The following CABLES1 variants were observed in gnomAD, a reference collection of about 807,000 sequenced individuals.
CABLES1 encodes CDK5 and ABL1 enzyme substrate 1.
A neutral mutation model predicts 57.8 loss-of-function variants in CABLES1; 36 were observed. The observed-to-expected ratio is 0.62, with a 90% CI of 0.48 to 0.82. CABLES1 has a LOEUF of 0.82. Ranked by LOEUF, CABLES1 falls within the 40% of genes least tolerant of loss-of-function variation. CABLES1 has a pLI of 0.00. For synonymous variants in CABLES1, 374 were observed against 363.0 expected, an observed-to-expected ratio of 1.03 and a Z score of -0.35; for missense variants, 767 against 836.6, an observed-to-expected ratio of 0.92 and a Z score of 1.03.
intron 1 of CABLES1, chr18:23,155,971 G>A (rs749307141): frequency 6.2e-6 from 10 of 1,613,928 alleles, no homozygotes; most frequent in African/African-American, 1.3e-5. Context: ...TCAGAGGATC[G>A]CCTGGGTGAC....
chr18:23,218,564 C>G (rs372265690), intron 4 of CABLES1, among the ~76,000 whole-genome samples: 895 of 33,250 alleles, frequency 0.027, 1 homozygote, highest in Middle Eastern at 0.071. Flanking sequence ...ACTTGCCCTG[C>G]CTCCCGCATC....
At chr18:23,143,476 G>C (rs946366277) in intron 1 of CABLES1, among the ~76,000 whole-genome samples, 4 of 152,072 alleles carry the variant, frequency 2.6e-5, no homozygotes, top group Admixed American at 2.0e-4. Context: ...CCCTGGGCGG[G>C]TTTCCCGCTG....
rs559460319 is a variant in CABLES1 at position 23,163,179 on chromosome 18, G to A, written c.846-25659G>A. Reference sequence around the variant, plus strand: ...CCATGGAGATGGGGCAGTTTGAAGGGGGCTGGCTTAATATGGAGGAGGAGG... The same window carrying A: ...CCATGGAGATGGGGCAGTTTGAAGGAGGCTGGCTTAATATGGAGGAGGAGG... On this transcript the variant is annotated intron_variant, in intron 1 of 9. Transcript: ENST00000256925. Among the ~76,000 whole-genome samples the A allele has an allele frequency of 2.6e-5, 4 of 152,206 alleles. No individual in the cohort carries two copies. In the South Asian group the frequency reaches 8.3e-4, roughly 32 times the overall value.
intron 9 of CABLES1, 68 bp from the exon 10 acceptor site, chr18:23,257,159 T>C: frequency 6.4e-7 from 1 of 1,560,662 alleles, no homozygotes; most frequent in East Asian, 2.3e-5. Context: ...ATAGAGAAGC[T>C]GCAATTGCAG....
chr18:23,196,347 TGAGAG>T lies in CABLES1; in HGVS notation c.1010+1808_1010+1812del, dbSNP rs1455692293. Among the ~76,000 whole-genome samples, 22 of 152,040 alleles carry T rather than the reference TGAGAG, an allele frequency of 1.4e-4. No homozygotes were observed. The East Asian group carries it at 4.3e-3, about 29-fold the overall frequency. ...GGCCACGGCGGGTCGTATGCCCAGG[TGAGAG>T]CTGGTTTTCTTGTGCAAAGGGCAGA... On this transcript the variant is annotated intron_variant, in intron 3 of 9. Transcript: ENST00000256925.
intron 3 of CABLES1, among the ~76,000 whole-genome samples, chr18:23,206,725 T>TG (rs2047366230): frequency 6.6e-6 from 1 of 152,212 alleles, no homozygotes; most frequent in Non-Finnish European, 1.5e-5. Context: ...TTCAATGACT[T>TG]GCCTTGTGTG....
intron 3 of CABLES1, among the ~76,000 whole-genome samples, chr18:23,205,009 C>T (rs2047352475): frequency 6.6e-6 from 1 of 152,118 alleles, no homozygotes; most frequent in Admixed American, 6.6e-5. Context: ...CCTGGGAGCC[C>T]AGAGGAGACA....
intron 4 of CABLES1, among the ~76,000 whole-genome samples, chr18:23,225,263 A>G (rs569143458): frequency 9.6e-4 from 146 of 152,338 alleles, no homozygotes; most frequent in Middle Eastern, 6.8e-3. Context: ...AATTCTACAA[A>G]TAATGGATTC....
chr18:23,227,970 A>C (rs985068334), intron 4 of CABLES1, among the ~76,000 whole-genome samples: 3 of 152,346 alleles, frequency 2.0e-5, no homozygotes, highest in African/African-American at 7.2e-5. Flanking sequence ...TCTTGGGCTT[A>C]GAGCACCATT....
At chr18:23,196,606 G>A (rs1328728295) in intron 3 of CABLES1, among the ~76,000 whole-genome samples, 1 of 152,220 alleles carries the variant, frequency 6.6e-6, no homozygotes, top group Non-Finnish European at 1.5e-5. Context: ...GGCAGCAGGA[G>A]CAGAATCTCC....
chr18:23,142,545 G>C, intron 1 of CABLES1, among the ~76,000 whole-genome samples: 1 of 152,340 alleles, frequency 6.6e-6, no homozygotes. Flanking sequence ...GTGACCAGGG[G>C]GTGACTTAGG....
In CABLES1 at chr18:23,188,858, G is replaced by A. The variant is rs151062978; in HGVS notation, c.866G>A (p.Arg289Lys). Residue 289 changes from arginine to lysine, a missense_variant, in exon 2 of 10, where the codon AGA (arginine) becomes AAA (lysine). Arg to Lys is a conservative substitution (Grantham distance 26, BLOSUM62 2). Coordinates refer to ENST00000256925, the MANE Select transcript of CABLES1 (RefSeq NM_001100619.3). ...TGCAGACGGCGCCTCATCTCCCAGA[G>A]ATCTTCCTTGGAGACCCTGGAAGAT... ...QRSRRRLISQ[R>K]SSLETLEDIE... The A allele has an allele frequency of 6.5e-4, 1,049 of 1,614,012 alleles. 5 individuals carry two copies. In the African/African-American group the frequency reaches 0.013, roughly 20 times the overall value.
intron 1 of CABLES1, among the ~76,000 whole-genome samples, chr18:23,160,974 A>G (rs1257711526): frequency 2.0e-5 from 3 of 152,208 alleles, no homozygotes; most frequent in African/African-American, 4.8e-5. Flanking sequence ...CAAAGGTTGC[A>G]GTGAGCCAAG....
chr18:23,258,600 GAA>G lies in CABLES1; in HGVS notation c.*1234_*1235del, dbSNP rs1275776992. On this transcript the variant is annotated 3_prime_UTR_variant, in exon 10 of 10. Transcript: ENST00000256925. ...GGCACCAGCTGAAGTTCCCCTGACT[GAA>G]GAGAGCCTGTGGCCATGTAAAAAGA... 3 of 152,256 alleles carry G rather than the reference GAA, an allele frequency of 2.0e-5. No individual in the cohort carries two copies. Among genetic ancestry groups the G allele is most frequent in the African/African-American group, 7.2e-5 (3 of 41,466 alleles). The allele number at this position is 152,256 out of a possible 1,614,324, so 9.4% of individuals were successfully genotyped here.
At chr18:23,138,154 G>T (rs531090457) in intron 1 of CABLES1, among the ~76,000 whole-genome samples, 1 of 152,312 alleles carries the variant, frequency 6.6e-6, no homozygotes, top group East Asian at 1.9e-4. Flanking sequence ...TGCAAAGCTG[G>T]CTTGTGTCTC....
chr18:23,257,377 C>T lies in CABLES1; in HGVS notation c.*10C>T, dbSNP rs993466100. Reference sequence around the variant, plus strand: ...GGTCCAGAGTTCCTAGCACTGGCCCCGAGGACAGCCAAGGGCCATTTCTTC... The same window carrying T: ...GGTCCAGAGTTCCTAGCACTGGCCCTGAGGACAGCCAAGGGCCATTTCTTC... On this transcript the variant is annotated 3_prime_UTR_variant, in exon 10 of 10. Transcript: ENST00000256925. 8 of 1,581,650 alleles carry T rather than the reference C, an allele frequency of 5.1e-6. No individual in the cohort carries two copies. Among genetic ancestry groups the T allele is most frequent in the East Asian group, 2.3e-5 (1 of 44,070 alleles).
At chr18:23,179,390 T>C (rs2047148059) in intron 1 of CABLES1, among the ~76,000 whole-genome samples, 1 of 152,198 alleles carries the variant, frequency 6.6e-6, no homozygotes, top group Non-Finnish European at 1.5e-5. Context: ...ACAAGAAAAA[T>C]CCCAGTGACT....
chr18:23,211,905 T>C (rs1179819433), intron 3 of CABLES1, among the ~76,000 whole-genome samples: 1 of 152,248 alleles, frequency 6.6e-6, no homozygotes, highest in African/African-American at 2.4e-5. Flanking sequence ...GCCTGGCTGG[T>C]GTTCAGCAGG....
chr18:23,252,922 G>A, intron 7 of CABLES1, 38 bp from the exon 8 acceptor site: 1 of 1,386,846 alleles, frequency 7.2e-7, no homozygotes, highest in Non-Finnish European at 1.0e-6. Context: ...TACGACCCTT[G>A]TTTTAAGGAG....
Sources: allele counts gnomAD v4.1 joint callset (sites outside exome capture counted in the v4.1 genomes callset), GRCh38; gene constraint gnomAD v4.1.1; transcripts MANE v1.5; gene names NCBI Gene and HGNC (gene_info 2026-07-23, HGNC 2026-07-21).